The following PCDHA2 variants were observed in gnomAD, a reference collection of about 807,000 sequenced individuals.
PCDHA2 encodes the protein protocadherin alpha-2.
A neutral mutation model predicts 66.0 loss-of-function variants in PCDHA2; 58 were observed. That is an observed-to-expected ratio of 0.88 (90% CI 0.71 to 1.09). The LOEUF is 1.09. Among genes scored for constraint, PCDHA2 ranks in the 50% least tolerant of loss-of-function variants. PCDHA2 has a pLI of 0.00. For synonymous variants in PCDHA2, 634 were observed against 554.0 expected (o/e 1.14, Z -2.03); for missense variants, 1,267 against 1,242.3 (o/e 1.02, Z -0.30).
intron 1 of PCDHA2, among the ~76,000 whole-genome samples, chr5:140,902,823 G>A (rs182466889): frequency 1.6e-3 from 246 of 151,864 alleles, no homozygotes; most frequent in Non-Finnish European, 2.9e-3. Flanking sequence ...TTTGGTTTTC[G>A]ATTTCTGAGT....
intron 1 of PCDHA2, chr5:140,861,590 GA>G: frequency 2.7e-6 from 1 of 372,284 alleles, no homozygotes; most frequent in South Asian, 2.5e-5. Flanking sequence ...ATGTGGAGGT[GA>G]AAGTGAAGAA....
chr5:140,798,184 T>A (rs891955747), intron 1 of PCDHA2, among the ~76,000 whole-genome samples: 1 of 152,180 alleles, frequency 6.6e-6, no homozygotes, highest in Non-Finnish European at 1.5e-5. Context: ...TTTATTTGTA[T>A]TTGAAAGCAG....
At chr5:140,924,725 C>G (rs1015635507) in intron 1 of PCDHA2, among the ~76,000 whole-genome samples, 1 of 151,698 alleles carries the variant, frequency 6.6e-6, no homozygotes, top group East Asian at 1.9e-4. Context: ...CGAAACCTCA[C>G]CTCTAATAAA....
rs368374216 is a variant in PCDHA2, at chr5:140,802,402, A to G, written c.2388+5050A>G. 27 of 1,614,118 alleles carry G rather than the reference A, an allele frequency of 1.7e-5. No individual in the cohort carries two copies. The Admixed American group carries it at 1.8e-4, about 11-fold the overall frequency. ...CCCTTCAAGCTGGTGTCCACCTTCA[A>G]GAATTACTACTCATTGGTGCTGGAC... On this transcript the variant is annotated intron_variant, in intron 1 of 3. Transcript: ENST00000526136.
intron 1 of PCDHA2, among the ~76,000 whole-genome samples, chr5:140,949,318 T>C (rs1554218908): frequency 6.6e-6 from 1 of 151,876 alleles, no homozygotes; most frequent in African/African-American, 2.4e-5. Flanking sequence ...GATTTATAAA[T>C]ATAAATTATT....
Position 140,835,520 on chromosome 5 carries a change from T to G in PCDHA2, c.2388+38168T>G. On this transcript the variant is annotated intron_variant, in intron 1 of 3. Coordinates refer to ENST00000526136, the MANE Select transcript of PCDHA2 (RefSeq NM_018905.3). ...TGATTAGCGTGTTTGACCGAGATTT[T>G]GGAGTCAACGGACAGGTTACCTGCT... 4 of 1,613,956 alleles carry G rather than the reference T, an allele frequency of 2.5e-6. No homozygotes were observed. Among genetic ancestry groups the G allele is most frequent in the Non-Finnish European group, 3.4e-6 (4 of 1,179,884 alleles).
intron 1 of PCDHA2, chr5:140,864,163 C>T (rs2048345363): frequency 6.6e-6 from 1 of 152,054 alleles, no homozygotes; most frequent in South Asian, 2.1e-4. Context: ...TTAAATCTTA[C>T]CGGAAGGATC....
At chr5:140,994,789 G>A (rs901197365) in intron 3 of PCDHA2, among the ~76,000 whole-genome samples, 8 of 152,260 alleles carry the variant, frequency 5.3e-5, no homozygotes, top group South Asian at 4.1e-4. Flanking sequence ...GAAACAATGC[G>A]TGCATGCAAA....
At position 140,834,227 on chromosome 5, in the gene PCDHA2, A is replaced by T. The variant is rs1772849510; in HGVS notation, c.2388+36875A>T. The T allele has an allele frequency of 4.2e-6, 3 of 708,588 alleles. No individual in the cohort carries two copies. In the Admixed American group the frequency reaches 8.9e-5, roughly 21 times the overall value. 43.9% of individuals were successfully genotyped at this position (708,588 alleles called of 1,614,324 possible). ...AATTCTTTCGTAATCAGCAAAAGGAAGTCATTCCTTTTCGCACTGGAAAGA... is the reference window on the plus strand; with the variant it reads ...AATTCTTTCGTAATCAGCAAAAGGATGTCATTCCTTTTCGCACTGGAAAGA... On this transcript the variant is annotated intron_variant, in intron 1 of 3. Transcript: ENST00000526136.
At chr5:140,938,727 G>GA (rs2092176789) in intron 1 of PCDHA2, among the ~76,000 whole-genome samples, 1 of 151,904 alleles carries the variant, frequency 6.6e-6, no homozygotes, top group South Asian at 2.1e-4. Flanking sequence ...CGTTTCTACA[G>GA]AAAAAAATAA....
At chr5:140,982,230 C>G (rs943404054) in intron 2 of PCDHA2, 9 of 619,854 alleles carry the variant, frequency 1.5e-5, no homozygotes, top group Admixed American at 3.8e-5. Flanking sequence ...TAATAAAAAA[C>G]AGAATTGCCA....
rs2150397998 is a variant in PCDHA2, at chr5:140,847,199, C to T, written c.2388+49847C>T. On this transcript the variant is annotated intron_variant, in intron 1 of 3. Coordinates refer to ENST00000526136, the MANE Select transcript of PCDHA2 (RefSeq NM_018905.3). ...GGCCATGAGTGATTAAGGAATTTGGCCACTCTTTAGAATTAATTGGGAGCT... is the reference window on the plus strand; with the variant it reads ...GGCCATGAGTGATTAAGGAATTTGGTCACTCTTTAGAATTAATTGGGAGCT... Among the ~76,000 whole-genome samples the T allele has an allele frequency of 2.7e-5, 4 of 149,538 alleles. No homozygotes were observed. In the East Asian group the frequency reaches 7.8e-4, roughly 29 times the overall value.
intron 1 of PCDHA2, chr5:140,841,441 A>G: frequency 1.2e-6 from 2 of 1,612,978 alleles, no homozygotes; most frequent in Non-Finnish European, 1.7e-6. Context: ...AGGAGGCCAA[A>G]CACGGCACCT....
intron 1 of PCDHA2, among the ~76,000 whole-genome samples, chr5:140,963,839 G>A (rs566875036): frequency 1.3e-5 from 2 of 152,290 alleles, no homozygotes; most frequent in African/African-American, 2.4e-5. Flanking sequence ...ATTTTCTCAT[G>A]TAATCATAAT....
intron 1 of PCDHA2, chr5:140,853,685 C>T (rs1554146805): frequency 1.0e-6 from 1 of 988,006 alleles, no homozygotes; most frequent in Non-Finnish European, 1.2e-6. Context: ...TCAACCTATC[C>T]TTAGACCTGC....
intron 1 of PCDHA2, among the ~76,000 whole-genome samples, chr5:140,943,763 G>T (rs2093562574): frequency 6.6e-6 from 1 of 152,122 alleles, no homozygotes; most frequent in Admixed American, 6.5e-5. Context: ...GGAGATGTAG[G>T]AAAAAAACTA....
intron 1 of PCDHA2, chr5:140,804,930 T>C: frequency 9.0e-7 from 1 of 1,105,572 alleles, no homozygotes; most frequent in Non-Finnish European, 1.2e-6. Flanking sequence ...TTTGGCACTA[T>C]CCTTTGTTGC....
intron 1 of PCDHA2, chr5:140,802,979 G>A: frequency 6.2e-7 from 1 of 1,614,042 alleles, no homozygotes; most frequent in Non-Finnish European, 8.5e-7. Context: ...TAGCGAAGGT[G>A]CGCGCAGTGG....
intron 3 of PCDHA2, among the ~76,000 whole-genome samples, chr5:141,007,687 C>T (rs1434828672): frequency 1.3e-5 from 2 of 152,200 alleles, no homozygotes; most frequent in Non-Finnish European, 2.9e-5. Flanking sequence ...TATCCTACTT[C>T]CACCTCCCTC....
Sources: gnomAD v4.1 joint callset for allele counts (sites outside exome capture counted in the v4.1 genomes callset) on GRCh38, gnomAD v4.1.1 for gene constraint, MANE v1.5 for transcripts, NCBI Gene and HGNC (gene_info 2026-07-23, HGNC 2026-07-21) for gene names.